GAP43: variants seen among roughly 807,000 people sequenced by gnomAD.
GAP43 encodes the protein neuromodulin.
Under a neutral mutation model 18.6 loss-of-function variants are expected in GAP43, and 6 were observed. The ratio of observed to expected loss-of-function variants is 0.32; its 90% CI spans 0.18 to 0.64. GAP43 has a LOEUF of 0.64. Ranked by LOEUF, GAP43 falls within the 30% of genes least tolerant of loss-of-function variation. The pLI is 0.78. For missense variants in GAP43, 292 were observed against 295.5 expected (o/e 0.99, Z 0.09); for synonymous variants, 115 against 111.4 (o/e 1.03, Z -0.20).
chr3:115,696,001 A>G (rs1302080787), intron 2 of GAP43, among the ~76,000 whole-genome samples: 1 of 151,890 alleles, frequency 6.6e-6, no homozygotes, highest in Admixed American at 6.6e-5. Context: ...TGAAATGTTG[A>G]GTTACCCCAC....
At chr3:115,690,757 CTTTT>C (rs71616327) in intron 2 of GAP43, among the ~76,000 whole-genome samples, 3 of 110,992 alleles carry the variant, frequency 2.7e-5, no homozygotes, top group African/African-American at 1.0e-4. Flanking sequence ...TTCTTTCTTT[CTTTT>C]TTTTTTTTTT....
At chr3:115,635,150 C>T (rs1708312534) in intron 1 of GAP43, among the ~76,000 whole-genome samples, 1 of 151,980 alleles carries the variant, frequency 6.6e-6, no homozygotes, top group Non-Finnish European at 1.5e-5. Context: ...TTCCTTAACT[C>T]TCAAGGACTT....
chr3:115,675,877 G>T, intron 1 of GAP43, 136 bp from the exon 2 acceptor site: 2 of 1,220,308 alleles, frequency 1.6e-6, no homozygotes, highest in South Asian at 1.6e-5. Flanking sequence ...AACTTCCAGG[G>T]TACTGTTGAA....
intron 2 of GAP43, among the ~76,000 whole-genome samples, chr3:115,694,352 T>C (rs1206672203): frequency 6.6e-6 from 1 of 152,254 alleles, no homozygotes; most frequent in Non-Finnish European, 1.5e-5. Flanking sequence ...ATTTCTAATA[T>C]TAACTCAAGC....
At chr3:115,719,434 C>A (rs1709550597) in intron 2 of GAP43, among the ~76,000 whole-genome samples, 1 of 152,068 alleles carries the variant, frequency 6.6e-6, no homozygotes, top group Non-Finnish European at 1.5e-5. Context: ...ATAGTACAAA[C>A]AATGTGGTTT....
intron 2 of GAP43, among the ~76,000 whole-genome samples, chr3:115,698,418 C>T (rs184822464): frequency 4.3e-4 from 62 of 143,972 alleles, no homozygotes; most frequent in African/African-American, 1.6e-3. Flanking sequence ...AGTTTTGTGA[C>T]TCAGATTACT....
At chr3:115,695,028 T>C (rs1041125827) in intron 2 of GAP43, among the ~76,000 whole-genome samples, 15 of 152,376 alleles carry the variant, frequency 9.8e-5, no homozygotes, top group Non-Finnish European at 2.1e-4. Flanking sequence ...CCAGTTGAAC[T>C]GTTTTTATAG....
intron 2 of GAP43, among the ~76,000 whole-genome samples, chr3:115,682,276 T>G (rs1177077440): frequency 6.6e-6 from 1 of 152,210 alleles, no homozygotes; most frequent in African/African-American, 2.4e-5. Context: ...TCTTAACAGA[T>G]GTATTACTGA....
At chr3:115,649,914 G>C (rs1708502206) in intron 1 of GAP43, among the ~76,000 whole-genome samples, 1 of 152,030 alleles carries the variant, frequency 6.6e-6, no homozygotes, top group Non-Finnish European at 1.5e-5. Flanking sequence ...ACTTTGGCTG[G>C]CTGTTCAGAG....
At chr3:115,705,110 C>T (rs1038311956) in intron 2 of GAP43, among the ~76,000 whole-genome samples, 4 of 152,198 alleles carry the variant, frequency 2.6e-5, no homozygotes, top group Admixed American at 1.3e-4. Context: ...ATCTCAAGTA[C>T]TACCCAAACA....
chr3:115,659,511 C>T (rs1269834629), intron 1 of GAP43, among the ~76,000 whole-genome samples: 2 of 152,020 alleles, frequency 1.3e-5, no homozygotes, highest in African/African-American at 2.4e-5. Context: ...TTCATTCATT[C>T]AATAATGTGA....
At chr3:115,636,790 C>T (rs1708335623) in intron 1 of GAP43, among the ~76,000 whole-genome samples, 1 of 152,028 alleles carries the variant, frequency 6.6e-6, no homozygotes, top group Non-Finnish European at 1.5e-5. Context: ...CTCCTAGTGG[C>T]TCTGGCATTG....
At chr3:115,650,957 T>G (rs182071862) in intron 1 of GAP43, among the ~76,000 whole-genome samples, 1 of 151,944 alleles carries the variant, frequency 6.6e-6, no homozygotes, top group East Asian at 1.9e-4. Flanking sequence ...AGACCTTGTC[T>G]CTACAAAAAA....
Position 115,676,244 on chromosome 3 carries a change from G to A in GAP43, c.262G>A (p.Ala88Thr). ...GAAGAAGGGAGAAGGCACCACTACT[G>A]CCGAAGCAGCCCCAGCCACTGGCTC... ...VEKKGEGTTT[A>T]EAAPATGSKP... Residue 88 changes from alanine (A) to threonine (T), a missense_variant, in exon 2 of 3, where the codon GCC (alanine) becomes ACC (threonine). By Grantham distance (58) the Ala-to-Thr change is moderately conservative. Transcript: ENST00000305124. The A allele has an allele frequency of 6.2e-7, 1 of 1,614,146 alleles. No homozygotes were observed. Among genetic ancestry groups the A allele is most frequent in the Non-Finnish European group, 8.5e-7 (1 of 1,180,016 alleles).
At chr3:115,689,021 A>G (rs1559801805) in intron 2 of GAP43, among the ~76,000 whole-genome samples, 1 of 152,150 alleles carries the variant, frequency 6.6e-6, no homozygotes, top group African/African-American at 2.4e-5. Context: ...GGTCTCTTGA[A>G]TGTATACAGC....
intron 1 of GAP43, among the ~76,000 whole-genome samples, chr3:115,627,447 G>A (rs1018193535): frequency 2.6e-5 from 4 of 151,758 alleles, no homozygotes; most frequent in South Asian, 2.1e-4. Context: ...CCTGTTCACC[G>A]AGAGGGAGAG....
At chr3:115,663,837 G>A (rs1318443242) in intron 1 of GAP43, 2 of 1,551,870 alleles carry the variant, frequency 1.3e-6, no homozygotes, top group East Asian at 2.4e-5. Flanking sequence ...CCTTGCCTGG[G>A]AGGCTTGAGG....
intron 1 of GAP43, chr3:115,658,908 C>T (rs558901783): frequency 6.6e-6 from 1 of 152,464 alleles, no homozygotes; most frequent in African/African-American, 2.4e-5. Flanking sequence ...GCCTTCAGCT[C>T]CCACCCGCAG....
At chr3:115,711,247 C>A in intron 2 of GAP43, among the ~76,000 whole-genome samples, 1 of 151,950 alleles carries the variant, frequency 6.6e-6, no homozygotes, top group East Asian at 1.9e-4. Context: ...TGTGTGTGCA[C>A]GTGCACGCAT....
Sources: gnomAD v4.1 joint callset for allele counts (sites outside exome capture counted in the v4.1 genomes callset) on GRCh38, gnomAD v4.1.1 for gene constraint, MANE v1.5 for transcripts, NCBI Gene and HGNC (gene_info 2026-07-23, HGNC 2026-07-21) for gene names.